AGBL4: variants seen among roughly 807,000 people sequenced by gnomAD.
AGBL4 encodes the protein AGBL carboxypeptidase 4.
AGBL4 carries 58 observed loss-of-function variants against 66.4 expected under a neutral mutation model. The observed-to-expected ratio is 0.87, with a 90% CI of 0.71 to 1.09. The LOEUF is 1.09. Ranked by LOEUF, AGBL4 falls within the 50% of genes least tolerant of loss-of-function variation. The probability of loss-of-function intolerance (pLI) is 0.00; values close to 1 mark genes in which losing one functional copy is unlikely to be tolerated. For synonymous variants in AGBL4, 234 were observed against 222.9 expected (o/e 1.05, Z -0.44); for missense variants, 579 against 631.0 (o/e 0.92, Z 0.88).
chr1:49,725,841 T>C (rs962838821), intron 2 of AGBL4, among the ~76,000 whole-genome samples: 8 of 151,768 alleles, frequency 5.3e-5, no homozygotes, highest in African/African-American at 1.9e-4. Context: ...ATCAAAGGAG[T>C]AAGAATATAT....
intron 6 of AGBL4, among the ~76,000 whole-genome samples, chr1:48,771,010 C>G (rs967633297): frequency 6.6e-6 from 1 of 152,112 alleles, no homozygotes; most frequent in Admixed American, 6.5e-5. Context: ...TTGGGTAAAA[C>G]AAAAATCTCT....
In AGBL4 at chr1:48,867,181, G is replaced by A. The variant is rs1200643100; in HGVS notation, c.634+10C>T. On this transcript the variant is annotated intron_variant, in intron 6 of 13. Transcript: ENST00000371839. ...GGAAAAGCAAAGGCAGAAGGGCCAC[G>A]CCTACTCACCAGGGCTGGTTATCGT... 13 of 1,613,136 alleles carry A rather than the reference G, an allele frequency of 8.1e-6. No individual in the cohort carries two copies. Among genetic ancestry groups the A allele is most frequent in the South Asian group, 6.6e-5 (6 of 90,898 alleles).
At chr1:48,967,703 A>G (rs1658557408) in intron 5 of AGBL4, among the ~76,000 whole-genome samples, 1 of 152,174 alleles carries the variant, frequency 6.6e-6, no homozygotes, top group African/African-American at 2.4e-5. Flanking sequence ...ATGGGTAGAA[A>G]GGCAGGATAG....
chr1:49,674,836 A>G (rs953783156), intron 3 of AGBL4, among the ~76,000 whole-genome samples: 3 of 152,168 alleles, frequency 2.0e-5, no homozygotes, highest in African/African-American at 7.2e-5. Context: ...AGCAGTAACG[A>G]AACAATGTCA....
intron 1 of AGBL4, among the ~76,000 whole-genome samples, chr1:49,909,115 A>G (rs1417743375): frequency 1.3e-5 from 2 of 152,168 alleles, no homozygotes; most frequent in African/African-American, 2.4e-5. Context: ...ACTGTACCTC[A>G]GTTTCTCCAT....
intron 2 of AGBL4, among the ~76,000 whole-genome samples, chr1:49,812,288 A>G (rs1369916293): frequency 6.6e-6 from 1 of 152,198 alleles, no homozygotes; most frequent in Non-Finnish European, 1.5e-5. Context: ...TGGGTAAAGC[A>G]ATGCTTCCAA....
chr1:50,010,509 C>T (rs886174051), intron 1 of AGBL4, among the ~76,000 whole-genome samples: 4 of 148,474 alleles, frequency 2.7e-5, no homozygotes, highest in Non-Finnish European at 6.0e-5. Context: ...AGAGCCAAAG[C>T]TATCCTAAAG....
At chr1:49,255,678 A>G (rs750368973) in intron 3 of AGBL4, among the ~76,000 whole-genome samples, 4 of 152,218 alleles carry the variant, frequency 2.6e-5, no homozygotes, top group Non-Finnish European at 5.9e-5. Flanking sequence ...ATTCAAAGGA[A>G]TATAAATCAT....
At chr1:48,607,736 A>T (rs1372075438) in intron 9 of AGBL4, among the ~76,000 whole-genome samples, 3 of 152,188 alleles carry the variant, frequency 2.0e-5, no homozygotes, top group African/African-American at 7.2e-5. Flanking sequence ...GCTTACACAA[A>T]CACATCTACT....
chr1:49,882,897 T>C (rs1436849628), intron 1 of AGBL4, among the ~76,000 whole-genome samples: 1 of 152,142 alleles, frequency 6.6e-6, no homozygotes, highest in African/African-American at 2.4e-5. Context: ...TTAGGGAGGC[T>C]AGTGGAGAGT....
chr1:49,819,968 G>A (rs923340468), intron 2 of AGBL4, among the ~76,000 whole-genome samples: 35 of 152,214 alleles, frequency 2.3e-4, no homozygotes, highest in African/African-American at 7.7e-4. Context: ...AAATGGCTTC[G>A]CAGGGTACCT....
intron 4 of AGBL4, among the ~76,000 whole-genome samples, chr1:49,048,778 G>C (rs1376662640): frequency 6.7e-6 from 1 of 149,782 alleles, no homozygotes; most frequent in African/African-American, 2.5e-5. Context: ...CCTTTACATA[G>C]ATAAAAAAAT....
At chr1:49,853,785 T>C (rs1419009450) in intron 1 of AGBL4, among the ~76,000 whole-genome samples, 2 of 152,080 alleles carry the variant, frequency 1.3e-5, no homozygotes, top group Non-Finnish European at 1.5e-5. Flanking sequence ...TAATGATATA[T>C]TGAAATTACT....
intron 5 of AGBL4, among the ~76,000 whole-genome samples, chr1:48,904,103 A>C (rs532853727): frequency 6.6e-6 from 1 of 152,272 alleles, no homozygotes; most frequent in East Asian, 1.9e-4. Context: ...ACATGGTGGA[A>C]TCCCATCTCT....
intron 2 of AGBL4, among the ~76,000 whole-genome samples, chr1:49,733,365 CAT>C (rs1431135951): frequency 1.3e-5 from 2 of 152,142 alleles, no homozygotes; most frequent in South Asian, 2.1e-4. Flanking sequence ...AAATGGTAAA[CAT>C]GTGGGTAAAG....
intron 6 of AGBL4, among the ~76,000 whole-genome samples, chr1:48,825,721 T>C (rs1646413099): frequency 6.6e-6 from 1 of 152,160 alleles, no homozygotes; most frequent in South Asian, 2.1e-4. Context: ...AAAGAAGTGG[T>C]AAAATGCATC....
At chr1:49,118,003 A>G (rs1380447595) in intron 4 of AGBL4, among the ~76,000 whole-genome samples, 1 of 152,080 alleles carries the variant, frequency 6.6e-6, no homozygotes, top group East Asian at 1.9e-4. Flanking sequence ...GAATTCTCTC[A>G]TGATTTGGCT....
chr1:49,197,459 T>C (rs1647319624), intron 4 of AGBL4, among the ~76,000 whole-genome samples: 1 of 152,188 alleles, frequency 6.6e-6, no homozygotes, highest in Non-Finnish European at 1.5e-5. Context: ...TAAGAGTTTG[T>C]TACAGGGGTA....
intron 3 of AGBL4, among the ~76,000 whole-genome samples, chr1:49,540,969 T>C (rs1413002258): frequency 1.3e-5 from 2 of 152,150 alleles, no homozygotes; most frequent in East Asian, 3.9e-4. Context: ...GAAATAGGCT[T>C]GGAGAAATCA....
Sources: gnomAD v4.1 joint callset for allele counts (sites outside exome capture counted in the v4.1 genomes callset) on GRCh38, gnomAD v4.1.1 for gene constraint, MANE v1.5 for transcripts, NCBI Gene and HGNC (gene_info 2026-07-23, HGNC 2026-07-21) for gene names.